GRID2: variants seen among roughly 807,000 people sequenced by gnomAD.
The protein encoded by GRID2 is glutamate ionotropic receptor delta type subunit 2.
Under a neutral mutation model 114.8 loss-of-function variants are expected in GRID2, and 33 were observed. The ratio of observed to expected loss-of-function variants is 0.29; its 90% confidence interval spans 0.22 to 0.38. The LOEUF (loss-of-function observed/expected upper bound fraction) is 0.38. Among genes scored for constraint, GRID2 ranks in the 10% least tolerant of loss-of-function variants. GRID2 has a pLI of 1.00. For missense variants in GRID2, 1,184 were observed against 1,257.7 expected (o/e 0.94, Z 0.89); for synonymous variants, 505 against 449.9 (o/e 1.12, Z -1.55).
intron 2 of GRID2, among the ~76,000 whole-genome samples, chr4:93,079,169 C>T (rs1197238049): frequency 6.6e-6 from 1 of 151,546 alleles, no homozygotes; most frequent in Non-Finnish European, 1.5e-5. Context: ...TCATCATTAT[C>T]ATTTTTATTA....
At chr4:92,783,994 C>G (rs1428016227) in intron 2 of GRID2, among the ~76,000 whole-genome samples, 1 of 151,956 alleles carries the variant, frequency 6.6e-6, no homozygotes, top group Non-Finnish European at 1.5e-5. Flanking sequence ...GCCACTAAAT[C>G]AATGTTTTTC....
At chr4:92,774,766 G>T (rs748587983) in intron 2 of GRID2, among the ~76,000 whole-genome samples, 58 of 151,318 alleles carry the variant, frequency 3.8e-4, no homozygotes, top group Non-Finnish European at 7.1e-4. Context: ...AGGCTAATTT[G>T]TGTATTTTTT....
chr4:92,810,047 T>A (rs1191568360), intron 2 of GRID2, among the ~76,000 whole-genome samples: 2 of 152,032 alleles, frequency 1.3e-5, no homozygotes, highest in African/African-American at 4.8e-5. Flanking sequence ...ATAATTTCAA[T>A]TAGATATAAG....
At chr4:92,777,384 G>C (rs568622737) in intron 2 of GRID2, among the ~76,000 whole-genome samples, 9 of 151,914 alleles carry the variant, frequency 5.9e-5, no homozygotes, top group African/African-American at 2.2e-4. Flanking sequence ...ACCAGTCACC[G>C]TGCCTCCACG....
chr4:92,343,724 C>A (rs1394360220), intron 1 of GRID2, among the ~76,000 whole-genome samples: 3 of 152,098 alleles, frequency 2.0e-5, no homozygotes, highest in Non-Finnish European at 2.9e-5. Context: ...TAGGCACCCG[C>A]CACCATGCCT....
chr4:92,411,653 G>GTATATATATA (rs770186876), intron 1 of GRID2, among the ~76,000 whole-genome samples: 89 of 98,826 alleles, frequency 9.0e-4, no homozygotes, highest in Admixed American at 1.7e-3. Flanking sequence ...GTGTGTGTGT[G>GTATATATATA]TGTATATATA....
chr4:92,897,487 C>T (rs1453522029), intron 2 of GRID2, among the ~76,000 whole-genome samples: 2 of 151,776 alleles, frequency 1.3e-5, no homozygotes, highest in Non-Finnish European at 2.9e-5. Context: ...CATCTATTTC[C>T]CTTTTTTGTC....
chr4:92,727,172 G>C (rs1355427332), intron 2 of GRID2, among the ~76,000 whole-genome samples: 1 of 151,942 alleles, frequency 6.6e-6, no homozygotes, highest in Non-Finnish European at 1.5e-5. Context: ...TGTTTATCAT[G>C]TACTTACTAA....
chr4:92,708,710 C>T (rs1218491048), intron 2 of GRID2, among the ~76,000 whole-genome samples: 2 of 152,130 alleles, frequency 1.3e-5, no homozygotes, highest in Middle Eastern at 3.4e-3. Context: ...ATGTTTGTAG[C>T]GAATGTCTTT....
intron 2 of GRID2, among the ~76,000 whole-genome samples, chr4:92,862,407 T>C (rs1744591339): frequency 6.6e-6 from 1 of 152,100 alleles, no homozygotes; most frequent in South Asian, 2.1e-4. Flanking sequence ...GTAATCTTTT[T>C]TTTATTTTCT....
intron 1 of GRID2, among the ~76,000 whole-genome samples, chr4:92,420,508 C>A (rs957146566): frequency 6.6e-6 from 1 of 152,038 alleles, no homozygotes; most frequent in Admixed American, 6.6e-5. Flanking sequence ...TAAGACAAAT[C>A]ATATTTTTGT....
chr4:92,755,807 T>A (rs920355180), intron 2 of GRID2, among the ~76,000 whole-genome samples: 3 of 152,156 alleles, frequency 2.0e-5, no homozygotes, highest in African/African-American at 4.8e-5. Context: ...ATTTAAGCAG[T>A]GAAATGACAT....
At chr4:92,837,908 C>A (rs1742579416) in intron 2 of GRID2, among the ~76,000 whole-genome samples, 1 of 152,172 alleles carries the variant, frequency 6.6e-6, no homozygotes, top group South Asian at 2.1e-4. Context: ...CAAATGTCTC[C>A]TTTTACATAT....
chr4:92,535,954 C>T (rs1196262094), intron 1 of GRID2, among the ~76,000 whole-genome samples: 1 of 152,116 alleles, frequency 6.6e-6, no homozygotes, highest in Non-Finnish European at 1.5e-5. Flanking sequence ...TCACTGGCTT[C>T]AGGAGAGATG....
intron 2 of GRID2, among the ~76,000 whole-genome samples, chr4:92,654,880 G>C (rs1162147791): frequency 6.6e-6 from 1 of 151,804 alleles, no homozygotes; most frequent in Non-Finnish European, 1.5e-5. Flanking sequence ...TGTTTCTTTT[G>C]CTTTGAAGAA....
chr4:93,267,666 T>C (rs1306162864), intron 8 of GRID2, among the ~76,000 whole-genome samples: 2 of 152,054 alleles, frequency 1.3e-5, no homozygotes, highest in African/African-American at 4.8e-5. Flanking sequence ...GCTAAAACCC[T>C]CTCAGTCCAG....
At chr4:93,146,615 G>GAGAGAGAA (rs1459074753) in intron 4 of GRID2, among the ~76,000 whole-genome samples, 1 of 151,896 alleles carries the variant, frequency 6.6e-6, no homozygotes, top group Non-Finnish European at 1.5e-5. Context: ...AGGAGAGAGA[G>GAGAGAGAA]AGAGAGAAAG....
intron 1 of GRID2, among the ~76,000 whole-genome samples, chr4:92,523,815 C>G (rs1724901471): frequency 6.6e-6 from 1 of 151,774 alleles, no homozygotes; most frequent in Non-Finnish European, 1.5e-5. Context: ...ACAGGGCCTA[C>G]ACTTCCAAGA....
chr4:93,115,440 T>C (rs1169212474), intron 4 of GRID2, among the ~76,000 whole-genome samples: 3 of 89,076 alleles, frequency 3.4e-5, no homozygotes, highest in African/African-American at 1.2e-4. Flanking sequence ...TTATTTTTCT[T>C]ACATAAATAG....
Sources: gnomAD v4.1 joint callset for allele counts (sites outside exome capture counted in the v4.1 genomes callset) on GRCh38, gnomAD v4.1.1 for gene constraint, MANE v1.5 for transcripts, NCBI Gene and HGNC (gene_info 2026-07-23, HGNC 2026-07-21) for gene names.